Variants in IFT56 observed in about 807,000 individuals in gnomAD.
IFT56 encodes intraflagellar transport protein 56.
At chr7:139,178,720 C>T in the IFT56 span, 9,892 of 835,932 alleles carry the variant, frequency 0.012, 126 homozygotes, top group African/African-American at 0.031. Context: ...TCTTAGGATG[C>T]ATGAATAAGT....
At chr7:139,181,327 G>A in the IFT56 span, 14 of 610,724 alleles carry the variant, frequency 2.3e-5, no homozygotes, top group South Asian at 9.7e-5. Context: ...AGTGTTATAA[G>A]AGATGCCATT....
chr7:139,142,855 G>A, the IFT56 span, among the ~76,000 whole-genome samples: 1 of 152,082 alleles, frequency 6.6e-6, no homozygotes, highest in African/African-American at 2.4e-5. Flanking sequence ...TTTAGTTTGT[G>A]TCAACTATAC....
chr7:139,134,515 G>C, the IFT56 span: 1 of 845,950 alleles, frequency 1.2e-6, no homozygotes, highest in South Asian at 2.5e-5. Flanking sequence ...GTGATCCGCC[G>C]CCTTCGCCTC....
At chr7:139,138,078 C>T in the IFT56 span, 3 of 520,276 alleles carry the variant, frequency 5.8e-6, no homozygotes, top group East Asian at 9.4e-5. Context: ...TTGCATTCTT[C>T]AATTATACTT....
the IFT56 span, chr7:139,147,108 G>T: frequency 4.4e-6 from 7 of 1,608,314 alleles, no homozygotes; most frequent in South Asian, 1.1e-5. Context: ...ACACTAATAT[G>T]AATCTTTACA....
the IFT56 span, chr7:139,178,438 G>A: frequency 1.3e-6 from 2 of 1,483,066 alleles, no homozygotes; most frequent in Non-Finnish European, 1.9e-6. Context: ...GGTTAGTTTT[G>A]TGTTTATCTG....
At chr7:139,164,799 AT>A in the IFT56 span, among the ~76,000 whole-genome samples, 2 of 152,196 alleles carry the variant, frequency 1.3e-5, no homozygotes, top group African/African-American at 4.8e-5. Context: ...TATAAGGGCT[AT>A]GAATAAAAAA....
chr7:139,160,992 A>G, the IFT56 span: 2 of 1,613,922 alleles, frequency 1.2e-6, no homozygotes, highest in African/African-American at 1.3e-5. Context: ...CATCCTTTGA[A>G]TTTGCTAAAG....
chr7:139,176,268 T>C, the IFT56 span, among the ~76,000 whole-genome samples: 1 of 152,140 alleles, frequency 6.6e-6, no homozygotes, highest in Admixed American at 6.5e-5. Flanking sequence ...CCATTTACCC[T>C]GATGTGATTG....
At chr7:139,137,980 T>A in the IFT56 span, 1 of 1,224,442 alleles carries the variant, frequency 8.2e-7, no homozygotes. Flanking sequence ...GAACTGTGTT[T>A]AAAATGTTAT....
chr7:139,157,710 T>A, the IFT56 span, among the ~76,000 whole-genome samples: 1 of 151,970 alleles, frequency 6.6e-6, no homozygotes, highest in African/African-American at 2.4e-5. Flanking sequence ...CTCACTACAT[T>A]GCTAAGGTTG....
the IFT56 span, among the ~76,000 whole-genome samples, chr7:139,158,744 T>C: frequency 3.3e-5 from 5 of 151,984 alleles, no homozygotes; most frequent in Admixed American, 1.3e-4. Context: ...TGAAATCCCA[T>C]CTCTACTAAA....
At chr7:139,154,149 AT>A in the IFT56 span, among the ~76,000 whole-genome samples, 21 of 152,180 alleles carry the variant, frequency 1.4e-4, no homozygotes, top group Admixed American at 1.4e-3. Context: ...AGAAATGTCT[AT>A]TTAAGTTCTT....
At chr7:139,175,611 G>A in the IFT56 span, among the ~76,000 whole-genome samples, 1 of 152,096 alleles carries the variant, frequency 6.6e-6, no homozygotes, top group African/African-American at 2.4e-5. Context: ...TATGGAATTG[G>A]AGGACATTAT....
chr7:139,161,099 T>G, the IFT56 span: 1 of 1,304,248 alleles, frequency 7.7e-7, no homozygotes, highest in Non-Finnish European at 1.1e-6. Flanking sequence ...GAAAGATTAA[T>G]AAAAGGAGAT....
chr7:139,157,424 G>T, the IFT56 span, among the ~76,000 whole-genome samples: 1 of 151,456 alleles, frequency 6.6e-6, no homozygotes, highest in East Asian at 1.9e-4. Context: ...TGGGATTACA[G>T]GTGTGAGCCA....
chr7:139,153,316 T>C, the IFT56 span, among the ~76,000 whole-genome samples: 1 of 151,758 alleles, frequency 6.6e-6, no homozygotes, highest in Non-Finnish European at 1.5e-5. Context: ...CCGGACGTGA[T>C]GGCGCATGCC....
At chr7:139,159,877 C>A in the IFT56 span, among the ~76,000 whole-genome samples, 2 of 152,038 alleles carry the variant, frequency 1.3e-5, no homozygotes, top group Non-Finnish European at 2.9e-5. Context: ...AATGTTAATT[C>A]CAACATATTT....
At chr7:139,167,818 G>A in the IFT56 span, among the ~76,000 whole-genome samples, 1 of 151,914 alleles carries the variant, frequency 6.6e-6, no homozygotes, top group African/African-American at 2.4e-5. Flanking sequence ...GCTGGGGCCT[G>A]TAATCCCAGC....
Sources: gnomAD v4.1 joint callset for allele counts (sites outside exome capture counted in the v4.1 genomes callset) on GRCh38, gnomAD v4.1.1 for gene constraint, MANE v1.5 for transcripts, NCBI Gene and HGNC (gene_info 2026-07-23, HGNC 2026-07-21) for gene names.